The following HAVCR1 variants were observed in gnomAD, a reference collection of about 807,000 sequenced individuals.
The protein encoded by HAVCR1 is hepatitis A virus cellular receptor 1, also known as T cell immunoglobin domain and mucin domain protein 1.
In HAVCR1, 34 loss-of-function variants were observed where a neutral mutation model predicts 32.0. The observed-to-expected ratio is 1.06, with a 90% CI of 0.81 to 1.42. The LOEUF (loss-of-function observed/expected upper bound fraction) is 1.42. Among genes scored for constraint, HAVCR1 ranks in the 40% most tolerant of loss-of-function variants. HAVCR1 has a pLI of 0.00. For synonymous variants in HAVCR1, 178 were observed against 170.3 expected, an observed-to-expected ratio of 1.05 and a Z score of -0.35; for missense variants, 420 against 442.3, an observed-to-expected ratio of 0.95 and a Z score of 0.45.
chr5:157,037,190 C>A (rs1208281106), intron 7 of HAVCR1, 57 bp downstream of exon 7: 4 of 841,236 alleles, frequency 4.8e-6, no homozygotes, highest in East Asian at 2.4e-5. Flanking sequence ...ACTAGTGAAC[C>A]CAGGCAATTT....
rs1366035317 is a variant in HAVCR1 at position 157,037,345 on chromosome 5, T to C, written c.854A>G (p.His285Arg). The change falls in exon 7 of 9, where the codon CAT becomes CGT. Residue 285 changes from histidine (H) to arginine (R), a missense_variant. By Grantham distance (29) the His-to-Arg change is conservative. Coordinates refer to ENST00000523175, the MANE Select transcript of HAVCR1 (RefSeq NM_001173393.3). ...NNNQTQLFLE[H>R]SLLTANTTKG... Reference sequence around the variant, plus strand: ...AGTGGTATTGGCCGTCAGTAGACTATGTTCTAGGAACAGTTGCTGAGGAAA... The same window carrying C: ...AGTGGTATTGGCCGTCAGTAGACTACGTTCTAGGAACAGTTGCTGAGGAAA... 5 of 1,525,978 alleles carry C rather than the reference T, an allele frequency of 3.3e-6. No homozygotes were observed. The highest frequency in any genetic ancestry group is 1.8e-6 in the Non-Finnish European group (2 of 1,100,172). 94.5% of individuals were successfully genotyped at this position (1,525,978 alleles called of 1,614,324 possible). A position where few individuals can be genotyped will look rare whatever the true frequency, so the allele number is the denominator to read the frequency against.
At chr5:157,057,248 G>A (rs1011429387) in intron 2 of HAVCR1, among the ~76,000 whole-genome samples, 36 of 151,414 alleles carry the variant, frequency 2.4e-4, no homozygotes, top group African/African-American at 8.5e-4. Context: ...CCCAGGAGGC[G>A]GAGGCTGCAG....
At chr5:157,049,852 C>G (rs559467219) in intron 4 of HAVCR1, among the ~76,000 whole-genome samples, 88 of 152,316 alleles carry the variant, frequency 5.8e-4, no homozygotes, top group Non-Finnish European at 5.6e-4. Flanking sequence ...TCTGACTCAT[C>G]TTACACTTCT....
chr5:157,030,285 C>T (rs1261414124), intron 8 of HAVCR1, among the ~76,000 whole-genome samples: 2 of 152,130 alleles, frequency 1.3e-5, no homozygotes, highest in African/African-American at 4.8e-5. Flanking sequence ...CATCTACATC[C>T]TATATTCAAG....
rs1448953401 is a variant in HAVCR1, at chr5:157,049,260, C to G, written c.674-115G>C. 16 of 728,224 alleles carry G rather than the reference C, an allele frequency of 2.2e-5. No homozygotes were observed. In the Admixed American group the frequency reaches 3.3e-4, roughly 15 times the overall value. The allele number at this position is 728,224 out of a possible 1,614,324, so 45.1% of individuals were successfully genotyped here. On this transcript the variant is annotated intron_variant, in intron 4 of 8. Coordinates refer to ENST00000523175, the MANE Select transcript of HAVCR1 (RefSeq NM_001173393.3). ...TACCATCACCTTTCCATGGGCCCTT[C>G]TCCTGGCCTTCCACAGTGGGCATGC...
At chr5:157,031,008 GT>G (rs67848014) in intron 8 of HAVCR1, among the ~76,000 whole-genome samples, 3,364 of 144,994 alleles carry the variant, frequency 0.023, 69 homozygotes, top group African/African-American at 0.058. Flanking sequence ...GTTAGTGTGG[GT>G]TTTTTTTTTT....
rs1755232840 is a variant in HAVCR1, at chr5:157,044,635, A to AAGAAAGAAAG, written c.782-1963_782-1954dup. ...AGAAAGAGAAAGAAAGAAAGAAAGAAAGAAAGAAAGAAAGAAAGAAAGAAA... is the reference window on the plus strand; with the variant it reads ...AGAAAGAGAAAGAAAGAAAGAAAGAAAGAAAGAAAGAGAAAGAAAGAAAGAAAGAAAGAAA... On this transcript the variant is annotated intron_variant, in intron 5 of 8. Coordinates refer to ENST00000523175, the MANE Select transcript of HAVCR1 (RefSeq NM_001173393.3). Among the ~76,000 whole-genome samples, 30 of 64,774 alleles carry AAGAAAGAAAG rather than the reference A, an allele frequency of 4.6e-4. No homozygotes were observed. In the East Asian group the frequency reaches 7.4e-3, roughly 16 times the overall value. 42.5% of individuals were successfully genotyped at this position (64,774 alleles called of 152,430 possible).
intron 2 of HAVCR1, among the ~76,000 whole-genome samples, 156 bp downstream of exon 2, chr5:157,057,742 G>T (rs999935639): frequency 2.0e-5 from 3 of 152,094 alleles, no homozygotes; most frequent in Admixed American, 6.6e-5. Flanking sequence ...CTTTATTCTG[G>T]TCCTGCTCAC....
chr5:157,032,267 C>T (rs1244621115), intron 8 of HAVCR1, among the ~76,000 whole-genome samples: 1 of 152,108 alleles, frequency 6.6e-6, no homozygotes, highest in Non-Finnish European at 1.5e-5. Flanking sequence ...GTCTGTAATT[C>T]CAGCACTTTG....
chr5:157,048,119 A>G lies in HAVCR1; in HGVS notation c.781+919T>C, dbSNP rs768232476. On this transcript the variant is annotated intron_variant, in intron 5 of 8. Transcript: ENST00000523175. ...TAGCGAGGACACAAACATTCAAATC[A>G]TAGCCCCATCTGAGAATGCTCATGT... 2.2e-4 allele frequency among the ~76,000 whole-genome samples: 33 copies of G among 152,338 alleles called. 1 individual carries two copies. Among genetic ancestry groups the G allele is most frequent in the Middle Eastern group, 3.4e-3 (1 of 294 alleles).
chr5:157,066,710 T>C, the HAVCR1 span, among the ~76,000 whole-genome samples: 10 of 152,172 alleles, frequency 6.6e-5, no homozygotes, highest in African/African-American at 2.2e-4. Flanking sequence ...GGATAGCCTG[T>C]TGGTGCACAC....
chr5:157,054,328 C>T (rs558314112), intron 3 of HAVCR1, among the ~76,000 whole-genome samples: 1 of 151,810 alleles, frequency 6.6e-6, no homozygotes, highest in East Asian at 1.9e-4. Flanking sequence ...GGTGAAACCC[C>T]ATCTCTACTA....
intron 8 of HAVCR1, among the ~76,000 whole-genome samples, chr5:157,030,511 G>A (rs545627243): frequency 5.3e-5 from 8 of 152,122 alleles, no homozygotes; most frequent in Non-Finnish European, 1.2e-4. Flanking sequence ...TAATTAGCCA[G>A]GTGTGGTGGC....
intron 3 of HAVCR1, among the ~76,000 whole-genome samples, chr5:157,053,766 A>T (rs1274022506): frequency 6.6e-6 from 1 of 152,120 alleles, no homozygotes; most frequent in South Asian, 2.1e-4. Context: ...GCTACTCAGG[A>T]GGCCGAGGCA....
intron 4 of HAVCR1, among the ~76,000 whole-genome samples, chr5:157,050,503 T>A (rs1001052669): frequency 7.2e-5 from 11 of 152,202 alleles, no homozygotes; most frequent in Admixed American, 7.2e-4. Context: ...TGGACTGTAA[T>A]GTTCAACTCA....
chr5:157,037,197 A>T, intron 7 of HAVCR1, 50 bp downstream of exon 7: 1 of 888,066 alleles, frequency 1.1e-6, no homozygotes, highest in South Asian at 1.3e-5. Flanking sequence ...AACCCAGGCA[A>T]TTTTGCTGTA....
chr5:157,037,605 A>G (rs562630717), intron 6 of HAVCR1, among the ~76,000 whole-genome samples: 24 of 152,362 alleles, frequency 1.6e-4, no homozygotes, highest in African/African-American at 5.5e-4. Flanking sequence ...TTGTATTTAC[A>G]TAGGTGTACA....
chr5:157,036,967 C>A (rs975563070), intron 7 of HAVCR1, among the ~76,000 whole-genome samples: 4 of 152,070 alleles, frequency 2.6e-5, no homozygotes, highest in Admixed American at 6.6e-5. Flanking sequence ...CTCAAGCAAT[C>A]CTCCTGCCTC....
Position 157,029,424 on chromosome 5 carries a change from G to A in HAVCR1, c.*309C>T. 2 of 601,574 alleles carry A rather than the reference G, an allele frequency of 3.3e-6. No individual in the cohort carries two copies. The highest frequency in any genetic ancestry group is 5.8e-6 in the Non-Finnish European group (2 of 341,958). 37.3% of individuals were successfully genotyped at this position (601,574 alleles called of 1,614,324 possible). A position where few individuals can be genotyped will look rare whatever the true frequency, so the allele number is the denominator to read the frequency against. On this transcript the variant is annotated 3_prime_UTR_variant, in exon 9 of 9. Transcript: ENST00000523175. Reference sequence around the variant, plus strand: ...GTTTCCAGGGACTATTCTCTTTGATGTATACAGGATTTATGGGGTCTAAAA... The same window carrying A: ...GTTTCCAGGGACTATTCTCTTTGATATATACAGGATTTATGGGGTCTAAAA...
Sources: allele counts gnomAD v4.1 joint callset (sites outside exome capture counted in the v4.1 genomes callset), GRCh38; gene constraint gnomAD v4.1.1; transcripts MANE v1.5; gene names NCBI Gene and HGNC (gene_info 2026-07-23, HGNC 2026-07-21).